The following QTRT1 variants were observed in gnomAD, a reference collection of about 807,000 sequenced individuals.
QTRT1 encodes the protein TGT, 43-KD subunit.
Under a neutral mutation model 44.0 loss-of-function variants are expected in QTRT1, and 41 were observed. The ratio of observed to expected loss-of-function variants is 0.93; its 90% CI spans 0.73 to 1.21. QTRT1 has a LOEUF of 1.21. Among genes scored for constraint, QTRT1 ranks in the 50% most tolerant of loss-of-function variants. The pLI is 0.00. For synonymous variants in QTRT1, 226 were observed against 237.1 expected, an observed-to-expected ratio of 0.95 and a Z score of 0.43; for missense variants, 542 against 575.8, an observed-to-expected ratio of 0.94 and a Z score of 0.60.
At position 10,702,032 on chromosome 19, in the gene QTRT1, A is replaced by G. The variant is rs759580890; in HGVS notation, c.312+14A>G. On this transcript the variant is annotated intron_variant, in intron 2 of 9. Coordinates refer to ENST00000250237, the MANE Select transcript of QTRT1 (RefSeq NM_031209.3). ...AATCTGCTAACGGTGAGCTGAGGAG[A>G]GAGCCGACGTTCTAGGGCCCTTCTC... 6 of 1,613,996 alleles carry G rather than the reference A, an allele frequency of 3.7e-6. No homozygotes were observed. In the African/African-American group the frequency reaches 6.7e-5, roughly 18 times the overall value.
intron 3 of QTRT1, chr19:10,706,969 A>G: frequency 2.9e-6 from 1 of 345,254 alleles, no homozygotes; most frequent in Non-Finnish European, 5.6e-6. Flanking sequence ...AGGCGTAGTC[A>G]CTGCGCCCAG....
chr19:10,701,467 G>A lies in QTRT1; in HGVS notation c.7G>A (p.Gly3Arg), dbSNP rs2068688030. 1.3e-6 allele frequency: 2 copies of A among 1,547,758 alleles called. No homozygotes were observed. Among genetic ancestry groups the A allele is most frequent in the Non-Finnish European group, 8.7e-7 (1 of 1,144,914 alleles). Residue 3 changes from glycine (G) to arginine (R), a missense_variant, in exon 1 of 10, where the codon GGA becomes AGA. Physicochemically the swap from Gly to Arg is moderately radical, Grantham distance 125. Coordinates refer to ENST00000250237, the MANE Select transcript of QTRT1 (RefSeq NM_031209.3). MA[G>R]AATQASLESA... Reference sequence around the variant, plus strand: ...CGTGGTTCCGACAGTCAAGATGGCGGGAGCAGCTACCCAGGCTTCCCTGGA... The same window carrying A: ...CGTGGTTCCGACAGTCAAGATGGCGAGAGCAGCTACCCAGGCTTCCCTGGA...
chr19:10,707,702 T>C (rs2068720966), intron 5 of QTRT1, 87 bp downstream of exon 5: 2 of 955,902 alleles, frequency 2.1e-6, no homozygotes. Context: ...GGATTGCTAA[T>C]GTGTAGAAGG....
At chr19:10,710,859 G>A (rs1224373354) in intron 5 of QTRT1, among the ~76,000 whole-genome samples, 1 of 150,140 alleles carries the variant, frequency 6.7e-6, no homozygotes, top group South Asian at 2.1e-4. Context: ...GGAGGCGAGG[G>A]TTGCAGTGAG....
intron 5 of QTRT1, among the ~76,000 whole-genome samples, chr19:10,710,566 T>C (rs1453063627): frequency 7.2e-5 from 11 of 152,016 alleles, no homozygotes; most frequent in Admixed American, 6.5e-4. Flanking sequence ...CCACCTGCCT[T>C]GGCCTCCCAA....
In QTRT1 at chr19:10,704,363, G is replaced by A. The variant is rs553939208; in HGVS notation, c.451+2109G>A. ...GGCTGGAGTGCGGTGGCGCGATCTC[G>A]GCTCACTGCAAGCTCCGCCTCCTGG... On this transcript the variant is annotated intron_variant, in intron 3 of 9. Coordinates refer to ENST00000250237, the MANE Select transcript of QTRT1 (RefSeq NM_031209.3). 4.6e-5 allele frequency among the ~76,000 whole-genome samples: 7 copies of A among 151,642 alleles called. No individual in the cohort carries two copies. The East Asian group carries it at 7.8e-4, about 17-fold the overall frequency.
At chr19:10,711,429 C>G (rs1051748900) in intron 5 of QTRT1, 2 of 151,928 alleles carry the variant, frequency 1.3e-5, no homozygotes, top group African/African-American at 4.8e-5. Context: ...CCTTGGCCTC[C>G]CAAAGTGCTG....
intron 1 of QTRT1, 64 bp from the exon 2 acceptor site, chr19:10,701,886 C>T: frequency 1.0e-5 from 16 of 1,594,966 alleles, no homozygotes; most frequent in Non-Finnish European, 1.4e-5. Flanking sequence ...CCAGATCTGT[C>T]TCCCAAGAAG....
chr19:10,702,410 C>CT (rs1240956049), intron 3 of QTRT1, among the ~76,000 whole-genome samples, 156 bp downstream of exon 3: 1 of 152,108 alleles, frequency 6.6e-6, no homozygotes, highest in African/African-American at 2.4e-5. Context: ...AGTAGCAGGT[C>CT]TTTGGTAGAA....
At chr19:10,706,124 G>A (rs2068712628) in intron 3 of QTRT1, among the ~76,000 whole-genome samples, 1 of 152,066 alleles carries the variant, frequency 6.6e-6, no homozygotes, top group Non-Finnish European at 1.5e-5. Flanking sequence ...AAAGTGCTGG[G>A]ATTACAGGCG....
rs777561007 is a variant in QTRT1, at chr19:10,707,736, G to A, written c.646+121G>A. ...GGGCACTGCGCTAGAAAAAATAGCCGGAGCAAAGGCTCTCGGGCCACGTGC... is the reference window on the plus strand; with the variant it reads ...GGGCACTGCGCTAGAAAAAATAGCCAGAGCAAAGGCTCTCGGGCCACGTGC... On this transcript the variant is annotated intron_variant, in intron 5 of 9. Coordinates refer to ENST00000250237, the MANE Select transcript of QTRT1 (RefSeq NM_031209.3). The A allele has an allele frequency of 3.4e-5, 22 of 648,278 alleles. 1 individual carries two copies. In the Middle Eastern group the frequency reaches 1.1e-3, roughly 33 times the overall value. 40.2% of individuals were successfully genotyped at this position (648,278 alleles called of 1,614,324 possible). A position where few individuals can be genotyped will look rare whatever the true frequency, so the allele number is the denominator to read the frequency against.
rs776026372 is a variant in QTRT1, at chr19:10,702,249, C to A, written c.446C>A (p.Ala149Glu). The A allele has an allele frequency of 5.0e-6, 8 of 1,613,780 alleles. No individual in the cohort carries two copies. The highest frequency in any genetic ancestry group is 6.8e-6 in the Non-Finnish European group (8 of 1,179,830). Residue 149 changes from alanine to glutamate, a missense_variant, in exon 3 of 10, where the codon GCG becomes GAG. Transcript: ENST00000250237. ...SPEKSVQIQN[A>E]LGSDIIMQLD... is the part of the protein sequence containing the mutation. Reference sequence around the variant, plus strand: ...GAGAAATCCGTGCAGATCCAGAATGCGCTGGGTGAGAGGACCCTGGGGAGC... The same window carrying A: ...GAGAAATCCGTGCAGATCCAGAATGAGCTGGGTGAGAGGACCCTGGGGAGC...
Position 10,702,180 on chromosome 19 carries a change from G to T in QTRT1, c.377G>T (p.Arg126Leu). 2 of 1,614,082 alleles carry T rather than the reference G, an allele frequency of 1.2e-6. No homozygotes were observed. The highest frequency in any genetic ancestry group is 1.1e-5 in the South Asian group (1 of 91,082). The change falls in exon 3 of 10, where the codon CGC (arginine) becomes CTC (leucine). Residue 126 changes from arginine to leucine, a missense_variant. Coordinates refer to ENST00000250237, the MANE Select transcript of QTRT1 (RefSeq NM_031209.3). ...SLSEVTEEGVRFRSPYDGNET... is the reference protein window; with the variant it reads ...SLSEVTEEGVLFRSPYDGNET... ...TCCGAGGTGACGGAGGAGGGCGTCC[G>T]CTTCCGCTCCCCCTACGACGGCAAT...
chr19:10,707,268 T>G, intron 3 of QTRT1, 34 bp from the exon 4 acceptor site: 1 of 1,611,122 alleles, frequency 6.2e-7, no homozygotes, highest in Non-Finnish European at 8.5e-7. Flanking sequence ...CATTGCGGGC[T>G]TTCCCAGTGA....
intron 4 of QTRT1, 43 bp from the exon 5 acceptor site, chr19:10,707,457 C>G: frequency 6.2e-7 from 1 of 1,608,736 alleles, no homozygotes; most frequent in Non-Finnish European, 8.5e-7. Context: ...TCTCCTACCC[C>G]CTCACCAGGC....
rs1393033316 is a variant in QTRT1, at chr19:10,701,495, C to A, written c.35C>A (p.Ser12Ter). Residue 12 changes from serine (S) to a stop codon, truncating the protein, a stop_gained, in exon 1 of 10, where the codon TCG (serine) becomes TAG (stop). Coordinates refer to ENST00000250237, the MANE Select transcript of QTRT1 (RefSeq NM_031209.3). LOFTEE classifies it high-confidence loss of function. ...AGAATQASLESAPRIMRLVAE... is the reference protein window; with the variant it reads ...AGAATQASLE ...GCAGCTACCCAGGCTTCCCTGGAGT[C>A]GGCCCCACGGATCATGCGGCTGGTG... 1.9e-6 allele frequency: 3 copies of A among 1,578,970 alleles called. No homozygotes were observed. Among genetic ancestry groups the A allele is most frequent in the African/African-American group, 1.3e-5 (1 of 74,486 alleles).
intron 3 of QTRT1, among the ~76,000 whole-genome samples, chr19:10,703,578 G>C (rs1027634212): frequency 1.3e-5 from 2 of 152,134 alleles, no homozygotes; most frequent in Non-Finnish European, 2.9e-5. Flanking sequence ...GGGAGGCGGA[G>C]GCGCGATCAT....
At chr19:10,711,206 C>G (rs969673116) in intron 5 of QTRT1, 3 of 152,488 alleles carry the variant, frequency 2.0e-5, no homozygotes, top group African/African-American at 7.2e-5. Flanking sequence ...GAGTCTCGCT[C>G]TGTCGCCCAG....
intron 5 of QTRT1, among the ~76,000 whole-genome samples, chr19:10,710,615 AT>A (rs2068734482): frequency 1.0e-5 from 1 of 100,008 alleles, no homozygotes; most frequent in South Asian, 3.5e-4. Flanking sequence ...TGCCCAGCCT[AT>A]TTTTATTTTT....
Sources: allele counts gnomAD v4.1 joint callset (sites outside exome capture counted in the v4.1 genomes callset), GRCh38; gene constraint gnomAD v4.1.1; transcripts MANE v1.5; gene names NCBI Gene and HGNC (gene_info 2026-07-23, HGNC 2026-07-21).